Variants in PAN3 observed in about 807,000 individuals in gnomAD.
PAN3 encodes PAN2-PAN3 deadenylation complex subunit PAN3.
PAN3 carries 19 observed loss-of-function variants against 96.2 expected under a neutral mutation model. The observed-to-expected ratio is 0.20, with a 90% CI of 0.14 to 0.29. PAN3 has a LOEUF of 0.29. PAN3 is among the 10% of genes least tolerant of loss of function. PAN3 has a pLI of 1.00. For synonymous variants in PAN3, 433 were observed against 406.6 expected (o/e 1.06, Z -0.78); for missense variants, 882 against 1,108.1 (o/e 0.80, Z 2.90).
intron 5 of PAN3, among the ~76,000 whole-genome samples, chr13:28,209,077 A>G (rs1009183934): frequency 6.6e-6 from 1 of 152,196 alleles, no homozygotes; most frequent in Non-Finnish European, 1.5e-5. Flanking sequence ...TACAATGTAA[A>G]TGTTTTGTAA....
intron 5 of PAN3, among the ~76,000 whole-genome samples, chr13:28,209,908 G>A (rs1879834923): frequency 6.6e-6 from 1 of 151,786 alleles, no homozygotes; most frequent in Non-Finnish European, 1.5e-5. Flanking sequence ...AGCCTCCAGA[G>A]TAGCTGGGAC....
intron 6 of PAN3, among the ~76,000 whole-genome samples, chr13:28,231,758 C>A (rs1488970893): frequency 6.6e-6 from 1 of 152,034 alleles, no homozygotes; most frequent in Admixed American, 6.6e-5. Flanking sequence ...CAACCATAGG[C>A]AGGTATGGTG....
chr13:28,144,122 A>G (rs577122266), intron 1 of PAN3, among the ~76,000 whole-genome samples: 15 of 152,290 alleles, frequency 9.8e-5, no homozygotes, highest in African/African-American at 3.6e-4. Flanking sequence ...AACAGCAACA[A>G]AAAAACATAA....
At chr13:28,204,972 T>A (rs1360734021) in intron 5 of PAN3, among the ~76,000 whole-genome samples, 1 of 152,226 alleles carries the variant, frequency 6.6e-6, no homozygotes, top group Non-Finnish European at 1.5e-5. Context: ...TGCTACTTTT[T>A]TCCCCTTGTC....
intron 1 of PAN3, among the ~76,000 whole-genome samples, chr13:28,160,990 G>A (rs757607948): frequency 2.2e-4 from 33 of 152,194 alleles, no homozygotes; most frequent in Non-Finnish European, 4.3e-4. Flanking sequence ...GAATAGTTTA[G>A]TACTAGGAAA....
At chr13:28,268,137 C>T (rs756254949) in intron 12 of PAN3, among the ~76,000 whole-genome samples, 79 of 152,102 alleles carry the variant, frequency 5.2e-4, no homozygotes, top group Non-Finnish European at 1.0e-3. Context: ...TCTGGCTTCC[C>T]TGCCTAAGTA....
intron 1 of PAN3, among the ~76,000 whole-genome samples, chr13:28,151,089 G>C (rs1871304062): frequency 6.6e-6 from 1 of 152,316 alleles, no homozygotes; most frequent in Non-Finnish European, 1.5e-5. Context: ...AGCCAAGCCA[G>C]TCATCAGGAG....
At chr13:28,280,287 G>C in intron 15 of PAN3, 125 bp from the exon 16 acceptor site, 1 of 1,146,570 alleles carries the variant, frequency 8.7e-7, no homozygotes, top group Non-Finnish European at 1.2e-6. Context: ...TGACTTGCAT[G>C]AATTAAAATG....
At chr13:28,235,351 T>C (rs1034864151) in intron 6 of PAN3, among the ~76,000 whole-genome samples, 1 of 152,232 alleles carries the variant, frequency 6.6e-6, no homozygotes, top group Non-Finnish European at 1.5e-5. Flanking sequence ...CTGCCATCTT[T>C]CTTTTCTGAT....
At chr13:28,143,343 C>T (rs1870133240) in intron 1 of PAN3, among the ~76,000 whole-genome samples, 1 of 152,164 alleles carries the variant, frequency 6.6e-6, no homozygotes, top group African/African-American at 2.4e-5. Flanking sequence ...CGATTCTTGA[C>T]ATTTAATGAT....
rs1875013050 is a variant in PAN3, at chr13:28,176,475, A to T, written c.553-18A>T. ...TGTATTCCTCAGTGATGTTATAAAT[A>T]AATATTTTGTTTTTCAGAGAATGAC... On this transcript the variant is annotated intron_variant, in intron 2 of 18. Transcript: ENST00000380958. 1 of 1,604,156 alleles carries T rather than the reference A, an allele frequency of 6.2e-7. No individual in the cohort carries two copies. Among genetic ancestry groups the T allele is most frequent in the African/African-American group, 1.3e-5 (1 of 74,760 alleles).
Position 28,197,339 on chromosome 13 carries a change from A to G in PAN3, c.845A>G (p.Asn282Ser), listed in dbSNP as rs948506253. Residue 282 changes from asparagine (N) to serine (S), a missense_variant, in exon 5 of 19, where the codon AAT becomes AGT. Physicochemically the swap from Asn to Ser is conservative, Grantham distance 46 (BLOSUM62 1). Coordinates refer to ENST00000380958, the MANE Select transcript of PAN3 (RefSeq NM_175854.8). Reference protein sequence around the residue: ...MVWWNRVTENNLQTPNPTASE... With the variant: ...MVWWNRVTENSLQTPNPTASE... ...TGGTGGAACAGAGTCACAGAAAACA[A>G]TTTACAGGTAAAAATAATTTTTATT... The G allele has an allele frequency of 1.4e-5, 22 of 1,589,926 alleles. No homozygotes were observed. The highest frequency in any genetic ancestry group is 1.9e-5 in the Non-Finnish European group (22 of 1,168,182).
chr13:28,193,307 A>G (rs927915694), intron 4 of PAN3, among the ~76,000 whole-genome samples: 5 of 152,146 alleles, frequency 3.3e-5, no homozygotes, highest in Non-Finnish European at 4.4e-5. Context: ...TCTTCTACCT[A>G]TTGAGGAGAG....
In PAN3 at chr13:28,182,582, CTT is replaced by C. The variant is rs1022735232; in HGVS notation, c.690+4650_690+4651del. On this transcript the variant is annotated intron_variant, in intron 4 of 18. Coordinates refer to ENST00000380958, the MANE Select transcript of PAN3 (RefSeq NM_175854.8). ...ATTCTTTGGGGTTAGGAGGCAAAGA[CTT>C]TTGAAGTATCATGTTTATCTCTTCT... Among the ~76,000 whole-genome samples the C allele has an allele frequency of 9.5e-4, 145 of 152,196 alleles. 2 individuals carry two copies. Among genetic ancestry groups the C allele is most frequent in the African/African-American group, 3.4e-3 (143 of 41,532 alleles).
intron 5 of PAN3, among the ~76,000 whole-genome samples, chr13:28,199,718 T>C (rs1203578247): frequency 6.6e-6 from 1 of 152,144 alleles, no homozygotes; most frequent in African/African-American, 2.4e-5. Flanking sequence ...GAAAAGTAAC[T>C]TACCAATTCC....
intron 5 of PAN3, among the ~76,000 whole-genome samples, chr13:28,206,748 T>G (rs1181782673): frequency 6.6e-6 from 1 of 152,016 alleles, no homozygotes; most frequent in East Asian, 1.9e-4. Flanking sequence ...GTTTTTTTTT[T>G]TTGTAAGACT....
At chr13:28,198,996 CAG>C (rs1383404820) in intron 5 of PAN3, among the ~76,000 whole-genome samples, 1 of 152,148 alleles carries the variant, frequency 6.6e-6, no homozygotes, top group African/African-American at 2.4e-5. Flanking sequence ...TAAGAAAAGA[CAG>C]GGGTTTCATA....
chr13:28,248,214 A>C (rs1884390613), intron 6 of PAN3, among the ~76,000 whole-genome samples: 1 of 151,998 alleles, frequency 6.6e-6, no homozygotes, highest in Non-Finnish European at 1.5e-5. Context: ...TTTCTTCTTC[A>C]GGTTGTTCAC....
At chr13:28,273,935 A>G (rs934423189) in intron 14 of PAN3, among the ~76,000 whole-genome samples, 2 of 152,210 alleles carry the variant, frequency 1.3e-5, no homozygotes, top group African/African-American at 4.8e-5. Flanking sequence ...ATAAAATGAG[A>G]AGTAGAGTCT....
Sources: allele counts gnomAD v4.1 joint callset (sites outside exome capture counted in the v4.1 genomes callset), GRCh38; gene constraint gnomAD v4.1.1; transcripts MANE v1.5; gene names NCBI Gene and HGNC (gene_info 2026-07-23, HGNC 2026-07-21).